The following DACH1 variants were observed in gnomAD, a reference collection of about 807,000 sequenced individuals.
DACH1 encodes the protein dachshund homolog 1.
In DACH1, 12 loss-of-function variants were observed where a neutral mutation model predicts 54.2. That is an observed-to-expected ratio of 0.22 (90% CI 0.14 to 0.36). The LOEUF is 0.36. Ranked by LOEUF, DACH1 falls within the 10% of genes least tolerant of loss-of-function variation. DACH1 has a pLI of 1.00. For missense variants in DACH1, 805 were observed against 929.8 expected (o/e 0.87, Z 1.75); for synonymous variants, 386 against 366.2 (o/e 1.05, Z -0.62).
At chr13:71,727,529 A>G (rs969632085) in intron 1 of DACH1, among the ~76,000 whole-genome samples, 6 of 152,128 alleles carry the variant, frequency 3.9e-5, no homozygotes, top group African/African-American at 7.2e-5. Context: ...GGCATTGATG[A>G]TATTTCCCTA....
intron 6 of DACH1, among the ~76,000 whole-genome samples, chr13:71,555,801 T>C (rs1884210583): frequency 6.6e-6 from 1 of 152,194 alleles, no homozygotes; most frequent in Non-Finnish European, 1.5e-5. Context: ...AGAGACCATC[T>C]GACCTAGTCG....
At chr13:71,676,336 G>A (rs929020132) in intron 2 of DACH1, among the ~76,000 whole-genome samples, 2 of 152,070 alleles carry the variant, frequency 1.3e-5, no homozygotes, top group African/African-American at 4.8e-5. Flanking sequence ...TCCTGCCTCA[G>A]CCTCCCGAGT....
At chr13:71,709,604 A>G (rs1020502616) in intron 1 of DACH1, among the ~76,000 whole-genome samples, 2 of 152,166 alleles carry the variant, frequency 1.3e-5, no homozygotes, top group African/African-American at 4.8e-5. Flanking sequence ...AGGGTGTGAA[A>G]AGGCCAGAGT....
chr13:71,508,138 G>T (rs1046679482), intron 6 of DACH1, among the ~76,000 whole-genome samples: 2 of 152,088 alleles, frequency 1.3e-5, no homozygotes, highest in African/African-American at 4.8e-5. Flanking sequence ...CAAGTGAACT[G>T]TGCCTCTGTC....
chr13:71,599,338 T>C (rs1874330413), intron 3 of DACH1, among the ~76,000 whole-genome samples: 1 of 152,186 alleles, frequency 6.6e-6, no homozygotes, highest in Admixed American at 6.6e-5. Flanking sequence ...AAATGTAATG[T>C]AATTCAGGTA....
At chr13:71,555,531 A>G (rs142901674) in intron 6 of DACH1, among the ~76,000 whole-genome samples, 287 of 151,936 alleles carry the variant, frequency 1.9e-3, no homozygotes, top group African/African-American at 6.4e-3. Context: ...TTTAGTAGAG[A>G]CGGAGTTTCA....
At chr13:71,702,234 T>C (rs1038931292) in intron 1 of DACH1, among the ~76,000 whole-genome samples, 5 of 152,176 alleles carry the variant, frequency 3.3e-5, no homozygotes, top group Non-Finnish European at 7.4e-5. Context: ...CATTTTTATA[T>C]AAACTTCCCC....
chr13:71,728,955 C>G (rs1883607960), intron 1 of DACH1, among the ~76,000 whole-genome samples: 1 of 151,948 alleles, frequency 6.6e-6, no homozygotes, highest in South Asian at 2.1e-4. Flanking sequence ...TGATAATCAG[C>G]TTCCTTACTC....
intron 1 of DACH1, among the ~76,000 whole-genome samples, chr13:71,809,406 A>G (rs1457584176): frequency 5.3e-5 from 8 of 152,122 alleles, no homozygotes; most frequent in African/African-American, 1.9e-4. Context: ...CCTGGGCTCA[A>G]GTGATCCTCC....
chr13:71,725,968 T>C (rs1883449674), intron 1 of DACH1, among the ~76,000 whole-genome samples: 2 of 152,148 alleles, frequency 1.3e-5, no homozygotes, highest in Admixed American at 1.3e-4. Flanking sequence ...TTTGTCTTTC[T>C]GGATAACAAA....
At chr13:71,800,863 A>C (rs761666371) in intron 1 of DACH1, among the ~76,000 whole-genome samples, 27 of 126,778 alleles carry the variant, frequency 2.1e-4, no homozygotes, top group Admixed American at 3.5e-4. Flanking sequence ...CTTTGAAAAA[A>C]AATCTCTGCA....
At chr13:71,555,938 TTA>T (rs1884221843) in intron 6 of DACH1, among the ~76,000 whole-genome samples, 1 of 152,194 alleles carries the variant, frequency 6.6e-6, no homozygotes, top group Non-Finnish European at 1.5e-5. Flanking sequence ...AGTACCTAGA[TTA>T]TTGTTTTCTC....
At chr13:71,847,709 A>T (rs1020554032) in intron 1 of DACH1, among the ~76,000 whole-genome samples, 15 of 152,336 alleles carry the variant, frequency 9.8e-5, no homozygotes, top group Admixed American at 2.6e-4. Flanking sequence ...TTGTAGCCAA[A>T]TGCCATGGAG....
chr13:71,714,537 G>T (rs1012739982), intron 1 of DACH1, among the ~76,000 whole-genome samples: 1 of 151,972 alleles, frequency 6.6e-6, no homozygotes, highest in Non-Finnish European at 1.5e-5. Flanking sequence ...TTACATTGGT[G>T]TATGCTTACA....
Position 71,866,831 on chromosome 13 carries a change from G to T in DACH1, c.-62C>A. 8.0e-7 allele frequency: 1 copy of T among 1,257,674 alleles called. No homozygotes were observed. Among genetic ancestry groups the T allele is most frequent in the Non-Finnish European group, 1.0e-6 (1 of 992,692 alleles). The allele number at this position is 1,257,674 out of a possible 1,614,324, so 77.9% of individuals were successfully genotyped here. ...AGAGGAAAAGTTGCCACACACCCCC[G>T]GGAGGGGAAGGGGAAAAAAGGGGGG... is the stretch of plus-strand genomic sequence containing the variant. On this transcript the variant is annotated 5_prime_UTR_variant, in exon 1 of 11. Coordinates refer to ENST00000613252, the MANE Select transcript of DACH1 (RefSeq NM_080759.6).
At chr13:71,735,649 A>G (rs926805530) in intron 1 of DACH1, among the ~76,000 whole-genome samples, 2 of 151,700 alleles carry the variant, frequency 1.3e-5, no homozygotes, top group East Asian at 2.0e-4. Flanking sequence ...ATATACGTGT[A>G]TATATATGGG....
intron 1 of DACH1, among the ~76,000 whole-genome samples, chr13:71,843,333 A>C (rs1361711722): frequency 6.6e-6 from 1 of 152,054 alleles, no homozygotes; most frequent in Non-Finnish European, 1.5e-5. Flanking sequence ...TGTCACAATC[A>C]TGGCTCACCA....
chr13:71,738,738 A>T, intron 1 of DACH1, among the ~76,000 whole-genome samples: 1 of 119,324 alleles, frequency 8.4e-6, no homozygotes. Context: ...TCTCAAAAAA[A>T]AAAAAAAAAA....
rs139119115 is a variant in DACH1 at position 71,603,558 on chromosome 13, A to T, written c.1126+26998T>A. ...TAAACCACCTCTCTGCAGAGTTGTG[A>T]TAGCATAGCTAAAAAAATTCCACCA... On this transcript the variant is annotated intron_variant, in intron 3 of 10. Coordinates refer to ENST00000613252, the MANE Select transcript of DACH1 (RefSeq NM_080759.6). 4.5e-3 allele frequency among the ~76,000 whole-genome samples: 681 copies of T among 152,060 alleles called. 11 individuals carry two copies. The highest frequency in any genetic ancestry group is 0.016 in the African/African-American group (647 of 41,530).
Sources: gnomAD v4.1 joint callset for allele counts (sites outside exome capture counted in the v4.1 genomes callset) on GRCh38, gnomAD v4.1.1 for gene constraint, MANE v1.5 for transcripts, NCBI Gene and HGNC (gene_info 2026-07-23, HGNC 2026-07-21) for gene names.